Variants in CELF2 observed in about 807,000 individuals in gnomAD.
CELF2 encodes CUG triplet repeat RNA-binding protein 2.
A neutral mutation model predicts 62.6 loss-of-function variants in CELF2; 8 were observed. The observed-to-expected ratio is 0.13, with a 90% CI of 0.07 to 0.23. The LOEUF (loss-of-function observed/expected upper bound fraction) is 0.23, where lower values mean the gene tolerates loss of function less well. Among genes scored for constraint, CELF2 ranks in the 10% least tolerant of loss-of-function variants. CELF2 has a pLI of 1.00. For synonymous variants in CELF2, 258 were observed against 250.0 expected (o/e 1.03, Z -0.30); for missense variants, 333 against 671.0 (o/e 0.50, Z 5.56).
At chr10:10,548,757 G>C in the CELF2 span, among the ~76,000 whole-genome samples, 1 of 151,718 alleles carries the variant, frequency 6.6e-6, no homozygotes, top group Non-Finnish European at 1.5e-5. Flanking sequence ...ATTATTTTTC[G>C]TAAGTATTTT....
chr10:10,481,440 A>T, the CELF2 span, among the ~76,000 whole-genome samples: 1 of 152,110 alleles, frequency 6.6e-6, no homozygotes, highest in African/African-American at 2.4e-5. Flanking sequence ...ATCCTCCATA[A>T]ACAGACTTCT....
chr10:11,185,852 T>C (rs904171027), intron 2 of CELF2, among the ~76,000 whole-genome samples: 4 of 152,244 alleles, frequency 2.6e-5, no homozygotes, highest in East Asian at 1.9e-4. Flanking sequence ...CCTGATCTCA[T>C]AGAATGAATT....
At chr10:10,576,937 G>T in the CELF2 span, among the ~76,000 whole-genome samples, 1 of 152,206 alleles carries the variant, frequency 6.6e-6, no homozygotes, top group Non-Finnish European at 1.5e-5. Flanking sequence ...AAGAGGAAGA[G>T]GCTATTCTAC....
chr10:10,570,481 A>G, the CELF2 span, among the ~76,000 whole-genome samples: 2 of 152,204 alleles, frequency 1.3e-5, no homozygotes, highest in East Asian at 3.8e-4. Flanking sequence ...TAGGATGTTC[A>G]AAGAGATAAA....
chr10:11,319,140 C>A lies in CELF2; in HGVS notation c.1097-2049C>A. Reference sequence around the variant, plus strand: ...CTCTCCCGCCAGAATTTCCTCCACACGGGCATCTGCATTTCCAGAGGACTG... The same window carrying A: ...CTCTCCCGCCAGAATTTCCTCCACAAGGGCATCTGCATTTCCAGAGGACTG... On this transcript the variant is annotated intron_variant, in intron 10 of 12. Coordinates refer to ENST00000633077, the MANE Select transcript of CELF2 (RefSeq NM_001326342.2). The surrounding 1 kb of genome is among the most constrained non-coding windows in gnomAD (Gnocchi z 4.4). The A allele has an allele frequency of 2.1e-6, 1 of 469,146 alleles. No homozygotes were observed. Among genetic ancestry groups the A allele is most frequent in the East Asian group, 6.9e-5 (1 of 14,396 alleles). The allele number at this position is 469,146 out of a possible 1,614,324, so 29.1% of individuals were successfully genotyped here.
chr10:10,677,809 A>C, the CELF2 span, among the ~76,000 whole-genome samples: 2 of 152,206 alleles, frequency 1.3e-5, no homozygotes, highest in African/African-American at 4.8e-5. Context: ...AAGTTGCCAC[A>C]GGGTCAATTT....
At chr10:10,686,485 C>T in the CELF2 span, among the ~76,000 whole-genome samples, 1 of 152,120 alleles carries the variant, frequency 6.6e-6, no homozygotes, top group African/African-American at 2.4e-5. Flanking sequence ...TCTGTGTCCC[C>T]ACCCAAATCT....
chr10:10,601,725 CTTT>C, the CELF2 span, among the ~76,000 whole-genome samples: 2 of 140,088 alleles, frequency 1.4e-5, no homozygotes, highest in African/African-American at 2.6e-5. Flanking sequence ...TGGGTTCATT[CTTT>C]TTTTTTTTTT....
At chr10:10,668,744 G>A in the CELF2 span, among the ~76,000 whole-genome samples, 1 of 152,102 alleles carries the variant, frequency 6.6e-6, no homozygotes, top group East Asian at 1.9e-4. Flanking sequence ...AATCACTTGA[G>A]GTCAGGAGTT....
At chr10:11,158,330 G>T (rs1223081612) in intron 1 of CELF2, among the ~76,000 whole-genome samples, 1 of 152,136 alleles carries the variant, frequency 6.6e-6, no homozygotes, top group Non-Finnish European at 1.5e-5. Flanking sequence ...CAGGAGAGAG[G>T]ATTCATTGGT....
chr10:11,288,337 G>T, intron 8 of CELF2, 81 bp from the exon 9 acceptor site: 1 of 1,553,590 alleles, frequency 6.4e-7, no homozygotes, highest in Non-Finnish European at 8.7e-7. Flanking sequence ...GTGTCCTGAC[G>T]ATTTGATGAG....
the CELF2 span, among the ~76,000 whole-genome samples, chr10:10,601,969 T>G: frequency 6.6e-6 from 1 of 152,124 alleles, no homozygotes; most frequent in Non-Finnish European, 1.5e-5. Context: ...AACTCCCACT[T>G]ATAAGTGAGA....
At chr10:11,051,613 G>A (rs1043626722) in intron 1 of CELF2, among the ~76,000 whole-genome samples, 17 of 152,130 alleles carry the variant, frequency 1.1e-4, no homozygotes, top group African/African-American at 3.9e-4. Context: ...TAACAGATAC[G>A]GTGACTGCCT....
the CELF2 span, among the ~76,000 whole-genome samples, chr10:10,785,282 A>G: frequency 3.9e-5 from 6 of 152,310 alleles, no homozygotes; most frequent in South Asian, 1.0e-3. Context: ...TTCTATCTCA[A>G]TATCATCTGG....
In CELF2 at chr10:11,285,869, GTGTGTGTGTT is replaced by G. The variant is rs767743262; in HGVS notation, c.842-2547_842-2538del. On this transcript the variant is annotated intron_variant, in intron 8 of 12. Coordinates refer to ENST00000633077, the MANE Select transcript of CELF2 (RefSeq NM_001326342.2). The surrounding 1 kb of genome is among the most constrained non-coding windows in gnomAD (Gnocchi z 4.3). ...TGTGTGTGTGTGTGTGTGTGTGTGT[GTGTGTGTGTT>G]TTTACATGGACTTGAAAATGAGTAA... Among the ~76,000 whole-genome samples, 5,494 of 95,258 alleles carry G rather than the reference GTGTGTGTGTT, an allele frequency of 0.058. 176 individuals are homozygous for G. Among genetic ancestry groups the G allele is most frequent in the African/African-American group, 0.13 (3,046 of 23,518 alleles). 62.5% of individuals were successfully genotyped at this position (95,258 alleles called of 152,430 possible). A position where few individuals can be genotyped will look rare whatever the true frequency, so the allele number is the denominator to read the frequency against.
intron 1 of CELF2, among the ~76,000 whole-genome samples, chr10:11,052,518 G>T (rs991957975): frequency 1.3e-5 from 2 of 152,112 alleles, no homozygotes; most frequent in African/African-American, 4.8e-5. Flanking sequence ...TGTCCTGTGG[G>T]TTATCAGATG....
intron 1 of CELF2, among the ~76,000 whole-genome samples, chr10:10,825,265 A>G (rs1401977276): frequency 6.6e-6 from 1 of 152,138 alleles, no homozygotes; most frequent in Non-Finnish European, 1.5e-5. Flanking sequence ...GCTGGAGTGC[A>G]GTGGCGCGAT....
the CELF2 span, among the ~76,000 whole-genome samples, chr10:10,641,196 A>C: frequency 1.3e-5 from 2 of 152,146 alleles, no homozygotes; most frequent in Non-Finnish European, 2.9e-5. Flanking sequence ...TTGTGGGAAT[A>C]ATTCCGGTCA....
At chr10:10,884,669 G>C (rs141502482) in intron 1 of CELF2, among the ~76,000 whole-genome samples, 2 of 152,196 alleles carry the variant, frequency 1.3e-5, no homozygotes, top group African/African-American at 4.8e-5. Context: ...TTGACTTCTT[G>C]CCATTTCTAG....
Sources: gnomAD v4.1 joint callset for allele counts (sites outside exome capture counted in the v4.1 genomes callset) on GRCh38, gnomAD v4.1.1 for gene constraint, Gnocchi (gnomAD v3.1) non-coding constraint, MANE v1.5 for transcripts, NCBI Gene and HGNC (gene_info 2026-07-23, HGNC 2026-07-21) for gene names.